ZC3H18: variants seen among roughly 807,000 people sequenced by gnomAD.
ZC3H18 encodes zinc finger CCCH domain-containing protein 18.
In ZC3H18, 8 loss-of-function variants were observed where a neutral mutation model predicts 106.1. That is an observed-to-expected ratio of 0.08 (90% CI 0.04 to 0.14). ZC3H18 has a LOEUF of 0.14. ZC3H18 is among the 10% of genes least tolerant of loss of function. ZC3H18 has a pLI of 1.00. For missense variants in ZC3H18, 1,318 were observed against 1,278.4 expected, an observed-to-expected ratio of 1.03 and a Z score of -0.47; for synonymous variants, 635 against 522.1, an observed-to-expected ratio of 1.22 and a Z score of -2.95.
Position 88,630,707 on chromosome 16 carries a change from G to A in ZC3H18, c.2663+126G>A. The A allele has an allele frequency of 5.6e-6, 4 of 711,376 alleles. No individual in the cohort carries two copies. The South Asian group carries it at 7.2e-5, about 13-fold the overall frequency. 44.1% of individuals were successfully genotyped at this position (711,376 alleles called of 1,614,324 possible). On this transcript the variant is annotated intron_variant, in intron 17 of 17. Coordinates refer to ENST00000301011, the MANE Select transcript of ZC3H18 (RefSeq NM_144604.4). ...TGGAGGCGTCACTACAGCTCCTGCT[G>A]GTCTGACGGGGTGAGGGGCATGGAC...
intron 8 of ZC3H18, among the ~76,000 whole-genome samples, chr16:88,615,759 G>A (rs997538121): frequency 2.4e-4 from 37 of 152,296 alleles, no homozygotes. Flanking sequence ...TGGCTTATGG[G>A]CACACGTGCC....
chr16:88,599,203 C>T (rs913381943), intron 5 of ZC3H18, among the ~76,000 whole-genome samples: 1 of 151,666 alleles, frequency 6.6e-6, no homozygotes, highest in African/African-American at 2.4e-5. Context: ...CGAGGCTGCC[C>T]GAGCCGCACC....
At chr16:88,623,877 G>C in intron 10 of ZC3H18, 81 bp from the exon 11 acceptor site, 1 of 1,526,082 alleles carries the variant, frequency 6.6e-7, no homozygotes, top group African/African-American at 1.4e-5. Context: ...TTCTCCATGG[G>C]TCTGGGTGGG....
At chr16:88,575,766 C>T (rs933953188) in intron 1 of ZC3H18, among the ~76,000 whole-genome samples, 1 of 151,242 alleles carries the variant, frequency 6.6e-6, no homozygotes, top group South Asian at 2.1e-4. Flanking sequence ...CAGGCTGAAG[C>T]ACATTGATGC....
chr16:88,584,101 A>C (rs1395271680), intron 2 of ZC3H18, among the ~76,000 whole-genome samples: 1 of 152,118 alleles, frequency 6.6e-6, no homozygotes, highest in South Asian at 2.1e-4. Flanking sequence ...ATATTTTGTT[A>C]TTTACACATA....
chr16:88,623,634 C>T, intron 10 of ZC3H18: 1 of 563,708 alleles, frequency 1.8e-6, no homozygotes, highest in South Asian at 2.3e-5. Flanking sequence ...CCAGACCCAG[C>T]CCTGTCCTGT....
chr16:88,574,889 G>A (rs1268646798), intron 1 of ZC3H18, among the ~76,000 whole-genome samples: 5 of 149,084 alleles, frequency 3.4e-5, no homozygotes, highest in African/African-American at 1.2e-4. Context: ...GAGTGCAATG[G>A]CGCGATCTCG....
chr16:88,602,068 T>A (rs1247272972), intron 6 of ZC3H18, among the ~76,000 whole-genome samples: 1 of 152,192 alleles, frequency 6.6e-6, no homozygotes. Context: ...AGGAAGGAGC[T>A]GCACTGCAAG....
intron 8 of ZC3H18, among the ~76,000 whole-genome samples, chr16:88,620,065 A>G (rs111859338): frequency 3.2e-4 from 49 of 152,292 alleles, no homozygotes; most frequent in African/African-American, 1.2e-3. Flanking sequence ...TGTCCTTAGG[A>G]CAGTGTTAAG....
intron 2 of ZC3H18, 127 bp downstream of exon 2, chr16:88,577,853 A>G (rs1488058765): frequency 6.6e-7 from 1 of 1,524,004 alleles, no homozygotes; most frequent in Non-Finnish European, 8.8e-7. Context: ...GTGCAGGAGA[A>G]TGAGAGGCTT....
At chr16:88,623,378 A>G in intron 10 of ZC3H18, 34 bp downstream of exon 10, 1 of 1,606,836 alleles carries the variant, frequency 6.2e-7, no homozygotes, top group Non-Finnish European at 8.5e-7. Flanking sequence ...GGCCCTCAGC[A>G]GGTGCAGTGA....
In ZC3H18 at chr16:88,608,453, T is replaced by G. The variant is rs1174292012; in HGVS notation, c.1089-481T>G. 19 of 152,362 alleles carry G rather than the reference T, an allele frequency of 1.2e-4. 1 individual carries two copies. Among genetic ancestry groups the G allele is most frequent in the Admixed American group, 1.2e-3 (19 of 15,296 alleles). The allele number at this position is 152,362 out of a possible 1,614,324, so 9.4% of individuals were successfully genotyped here. A position where few individuals can be genotyped will look rare whatever the true frequency, so the allele number is the denominator to read the frequency against. Reference sequence around the variant, plus strand: ...GTCTCGGCTCATGGCAACCTCCACCTCCTGGGTTCAAGTGATTCTCCTGCC... The same window carrying G: ...GTCTCGGCTCATGGCAACCTCCACCGCCTGGGTTCAAGTGATTCTCCTGCC... On this transcript the variant is annotated intron_variant, in intron 6 of 17. Transcript: ENST00000301011.
rs1387954576 is a variant in ZC3H18, at chr16:88,570,558, A to G, written c.-23A>G. 1 of 151,604 alleles carries G rather than the reference A, an allele frequency of 6.6e-6. No homozygotes were observed. The highest frequency in any genetic ancestry group is 1.5e-5 in the Non-Finnish European group (1 of 67,764). The allele number at this position is 151,604 out of a possible 1,614,324, so 9.4% of individuals were successfully genotyped here. A position where few individuals can be genotyped will look rare whatever the true frequency, so the allele number is the denominator to read the frequency against. ...GGAGCCGTGGCCTCCTCTCCGCCCT[A>G]GCGCTGAGGTTAGCTGGGGCCGGGA... On this transcript the variant is annotated 5_prime_UTR_variant, in exon 1 of 18. Transcript: ENST00000301011.
chr16:88,624,532 TGAAAGG>T, intron 11 of ZC3H18, 64 bp from the exon 12 acceptor site: 2 of 1,609,420 alleles, frequency 1.2e-6, no homozygotes, highest in South Asian at 2.2e-5. Flanking sequence ...GTGGGTCCAT[TGAAAGG>T]GGATGTAGGC....
rs551589372 is a variant in ZC3H18, at chr16:88,623,579, C to T, written c.1793+235C>T. On this transcript the variant is annotated intron_variant, in intron 10 of 17. Transcript: ENST00000301011. The stretch of plus-strand genomic sequence containing the variant: ...ACTGAGGGCCACAGCCTGAGATCCT[C>T]GAGTTGAGGCACTCCAGTCCTCCGC... 95 of 618,034 alleles carry T rather than the reference C, an allele frequency of 1.5e-4. No homozygotes were observed. The South Asian group carries it at 1.8e-3, about 12-fold the overall frequency. The allele number at this position is 618,034 out of a possible 1,614,324, so 38.3% of individuals were successfully genotyped here.
At chr16:88,623,732 C>T (rs1032576473) in intron 10 of ZC3H18, 1 of 744,910 alleles carries the variant, frequency 1.3e-6, no homozygotes, top group Admixed American at 3.4e-5. Flanking sequence ...TGACACTCGC[C>T]TCCCGGAGGA....
At position 88,628,012 on chromosome 16, in the gene ZC3H18, G is replaced by C; in HGVS notation, c.2362G>C (p.Gly788Arg). The change falls in exon 15 of 18, where the codon GGG becomes CGG. Residue 788 changes from glycine to arginine, a missense_variant. This residue lies in a region of ZC3H18 where 848 missense variants were observed against 821.7 expected (regional missense o/e 1.03). Transcript: ENST00000301011. ...CAAATCTGCAAAACCTCCAGCAGGGGGGAAGTCCTCCCAGCAGCCCTCGAC... is the reference window on the plus strand; with the variant it reads ...CAAATCTGCAAAACCTCCAGCAGGGCGGAAGTCCTCCCAGCAGCCCTCGAC... The part of the protein sequence containing the change: ...PPKSAKPPAG[G>R]KSSQQPSTPQ... The C allele has an allele frequency of 6.2e-7, 1 of 1,614,188 alleles. No individual in the cohort carries two copies.
intron 8 of ZC3H18, 103 bp from the exon 9 acceptor site, chr16:88,622,094 T>G: frequency 1.5e-6 from 2 of 1,349,926 alleles, no homozygotes; most frequent in Non-Finnish European, 2.0e-6. Context: ...GATCCTTAAA[T>G]AAGCCAGGTA....
At chr16:88,585,912 G>T (rs1225249188) in intron 2 of ZC3H18, among the ~76,000 whole-genome samples, 3 of 152,128 alleles carry the variant, frequency 2.0e-5, no homozygotes, top group Non-Finnish European at 2.9e-5. Context: ...AGGGATGTCA[G>T]GTGGGCAGCT....
Sources: allele counts gnomAD v4.1 joint callset (sites outside exome capture counted in the v4.1 genomes callset), GRCh38; gene constraint gnomAD v4.1.1; regional missense constraint gnomAD v4.1.1; transcripts MANE v1.5; gene names NCBI Gene and HGNC (gene_info 2026-07-23, HGNC 2026-07-21).